Variants in IQCM observed in about 807,000 individuals in gnomAD.
IQCM encodes IQ motif containing M.
IQCM carries 45 observed loss-of-function variants against 57.6 expected under a neutral mutation model. That is an observed-to-expected ratio of 0.78 (90% CI 0.62 to 1.00). IQCM has a LOEUF of 1.00. Among genes scored for constraint, IQCM ranks in the 50% least tolerant of loss-of-function variants. The probability of loss-of-function intolerance (pLI) is 0.00; values close to 1 mark genes in which losing one functional copy is unlikely to be tolerated. For missense variants in IQCM, 468 were observed against 511.6 expected (o/e 0.91, Z 0.82); for synonymous variants, 148 against 158.9 (o/e 0.93, Z 0.51).
chr4:149,737,837 C>G (rs947087582), intron 3 of IQCM: 1 of 152,176 alleles, frequency 6.6e-6, no homozygotes, highest in African/African-American at 2.4e-5. Flanking sequence ...ACTTCACAAC[C>G]TGCCCTCCTT....
intron 7 of IQCM, among the ~76,000 whole-genome samples, chr4:149,672,464 G>A (rs1272919005): frequency 2.0e-5 from 3 of 152,134 alleles, no homozygotes; most frequent in Admixed American, 6.6e-5. Context: ...TATGGCACAA[G>A]AACTACGTGA....
At chr4:149,459,744 T>C (rs1185171943) in intron 12 of IQCM, among the ~76,000 whole-genome samples, 1 of 152,224 alleles carries the variant, frequency 6.6e-6, no homozygotes, top group Non-Finnish European at 1.5e-5. Flanking sequence ...GATTAATTTA[T>C]GTCGTAGTAT....
chr4:149,362,780 C>T (rs8180206), intron 13 of IQCM, among the ~76,000 whole-genome samples: 27,201 of 152,158 alleles, frequency 0.18, 2,605 homozygotes, highest in South Asian at 0.33. Flanking sequence ...GTTTTGTGTA[C>T]TTCAGAATTT....
chr4:149,391,071 G>T (rs1342816887), intron 13 of IQCM, among the ~76,000 whole-genome samples: 1 of 151,782 alleles, frequency 6.6e-6, no homozygotes, highest in African/African-American at 2.4e-5. Flanking sequence ...ATAAGAATTG[G>T]CATTAATTCT....
At chr4:149,568,232 T>C (rs1351965602) in intron 9 of IQCM, among the ~76,000 whole-genome samples, 2 of 152,114 alleles carry the variant, frequency 1.3e-5, no homozygotes, top group Non-Finnish European at 2.9e-5. Context: ...TCACGGTCTC[T>C]GGAAGGCCTT....
At chr4:149,739,356 C>T (rs74990993) in intron 3 of IQCM, among the ~76,000 whole-genome samples, 1,797 of 152,034 alleles carry the variant, frequency 0.012, 49 homozygotes, top group African/African-American at 0.041. Flanking sequence ...TGTTACAAAA[C>T]AGCACAGCAC....
intron 9 of IQCM, among the ~76,000 whole-genome samples, chr4:149,582,195 G>A (rs180797541): frequency 6.7e-6 from 1 of 149,776 alleles, no homozygotes. Flanking sequence ...GAGTCCTTGA[G>A]TCATCTGAGC....
At chr4:149,777,444 T>C (rs1771197752) in intron 2 of IQCM, among the ~76,000 whole-genome samples, 1 of 152,208 alleles carries the variant, frequency 6.6e-6, no homozygotes, top group African/African-American at 2.4e-5. Context: ...GCTTTTATAA[T>C]GGATTTCTAA....
chr4:149,774,008 C>G (rs1004004473), intron 2 of IQCM, among the ~76,000 whole-genome samples: 12 of 151,974 alleles, frequency 7.9e-5, no homozygotes, highest in African/African-American at 2.9e-4. Context: ...TTTTATATAC[C>G]TTATATATTT....
intron 9 of IQCM, among the ~76,000 whole-genome samples, chr4:149,568,155 G>A (rs1374898585): frequency 6.6e-6 from 1 of 152,090 alleles, no homozygotes; most frequent in African/African-American, 2.4e-5. Flanking sequence ...ATCTAGACAT[G>A]GAAGTCCCCT....
intron 12 of IQCM, among the ~76,000 whole-genome samples, chr4:149,543,940 C>A (rs1748123541): frequency 6.6e-6 from 1 of 151,938 alleles, no homozygotes; most frequent in African/African-American, 2.4e-5. Flanking sequence ...AAAAATTGTT[C>A]CAGGTACTAG....
At chr4:149,813,404 A>C (rs1774773534) in intron 2 of IQCM, among the ~76,000 whole-genome samples, 1 of 152,062 alleles carries the variant, frequency 6.6e-6, no homozygotes, top group Admixed American at 6.6e-5. Flanking sequence ...ATGGCAATGA[A>C]ATTTTTAAAG....
intron 13 of IQCM, among the ~76,000 whole-genome samples, chr4:149,372,358 T>C (rs1730423354): frequency 1.3e-5 from 2 of 152,168 alleles, no homozygotes; most frequent in Admixed American, 1.3e-4. Flanking sequence ...AAGTGTTTAA[T>C]ATAAGGTGTT....
intron 12 of IQCM, among the ~76,000 whole-genome samples, chr4:149,473,253 C>A (rs1376190670): frequency 1.3e-5 from 2 of 152,088 alleles, no homozygotes; most frequent in African/African-American, 4.8e-5. Flanking sequence ...CCAGAATCTA[C>A]AAAGAACTTA....
chr4:149,769,702 AT>A (rs1770389699), intron 2 of IQCM, among the ~76,000 whole-genome samples: 1 of 152,120 alleles, frequency 6.6e-6, no homozygotes, highest in African/African-American at 2.4e-5. Flanking sequence ...CTTCATAATA[AT>A]AAAGGGGTCA....
intron 7 of IQCM, among the ~76,000 whole-genome samples, chr4:149,634,041 ACT>A (rs918499585): frequency 1.3e-5 from 2 of 151,668 alleles, no homozygotes; most frequent in Admixed American, 1.3e-4. Context: ...ACAGACTCTG[ACT>A]CTGTTGCCCA....
At chr4:149,457,432 C>G (rs937073622) in intron 12 of IQCM, among the ~76,000 whole-genome samples, 1 of 152,020 alleles carries the variant, frequency 6.6e-6, no homozygotes, top group Admixed American at 6.6e-5. Flanking sequence ...TGTGCTTGCT[C>G]TCTTCTAATA....
chr4:149,744,261 G>T (rs1282447078), intron 2 of IQCM, among the ~76,000 whole-genome samples: 1 of 152,168 alleles, frequency 6.6e-6, no homozygotes, highest in African/African-American at 2.4e-5. Flanking sequence ...TACCTTGTCT[G>T]CCTAGTTCTG....
chr4:149,782,399 G>A (rs1771685947), intron 2 of IQCM, among the ~76,000 whole-genome samples: 1 of 151,918 alleles, frequency 6.6e-6, no homozygotes, highest in Admixed American at 6.6e-5. Flanking sequence ...AAGATGGTAA[G>A]AAAATATAAC....
Sources: gnomAD v4.1 joint callset for allele counts (sites outside exome capture counted in the v4.1 genomes callset) on GRCh38, gnomAD v4.1.1 for gene constraint, MANE v1.5 for transcripts, NCBI Gene and HGNC (gene_info 2026-07-23, HGNC 2026-07-21) for gene names.